PRKG1: variants seen among roughly 807,000 people sequenced by gnomAD.
PRKG1 encodes the protein cGMP-dependent protein kinase 1.
PRKG1 carries 35 observed loss-of-function variants against 88.1 expected under a neutral mutation model. The ratio of observed to expected loss-of-function variants is 0.40; its 90% confidence interval spans 0.30 to 0.53. PRKG1 has a LOEUF of 0.53. Ranked by LOEUF, PRKG1 falls within the 20% of genes least tolerant of loss-of-function variation. The pLI is 0.59. For missense variants in PRKG1, 540 were observed against 839.8 expected, an observed-to-expected ratio of 0.64 and a Z score of 4.41; for synonymous variants, 303 against 292.5, an observed-to-expected ratio of 1.04 and a Z score of -0.37.
chr10:51,045,563 T>C (rs1843478962), intron 1 of PRKG1, among the ~76,000 whole-genome samples: 1 of 152,200 alleles, frequency 6.6e-6, no homozygotes, highest in South Asian at 2.1e-4. Context: ...TGACCTCTGG[T>C]GATCCGCCCA....
chr10:51,934,259 C>CA (rs886567979), intron 5 of PRKG1, among the ~76,000 whole-genome samples: 2 of 150,604 alleles, frequency 1.3e-5, no homozygotes, highest in Admixed American at 6.6e-5. Flanking sequence ...CACATACCCC[C>CA]CCCCCAACAC....
chr10:51,494,753 C>A (rs765986965), intron 3 of PRKG1, among the ~76,000 whole-genome samples: 40 of 152,262 alleles, frequency 2.6e-4, no homozygotes, highest in Non-Finnish European at 1.5e-4. Flanking sequence ...ACAATGTGTG[C>A]TCTCTGTATT....
At chr10:52,214,335 A>C (rs975541853) in intron 9 of PRKG1, among the ~76,000 whole-genome samples, 1 of 152,182 alleles carries the variant, frequency 6.6e-6, no homozygotes, top group African/African-American at 2.4e-5. Context: ...TTAGCCCAAA[A>C]TCCACAGCAG....
intron 5 of PRKG1, among the ~76,000 whole-genome samples, chr10:52,008,815 A>G (rs1844806250): frequency 6.6e-6 from 1 of 152,182 alleles, no homozygotes; most frequent in Non-Finnish European, 1.5e-5. Flanking sequence ...CTAGCAGCAC[A>G]TTAAAAAGCT....
chr10:51,907,465 T>C (rs752711561), intron 4 of PRKG1, 42 bp from the exon 5 acceptor site: 22 of 1,488,712 alleles, frequency 1.5e-5, no homozygotes, highest in Middle Eastern at 1.7e-4. Context: ...TGAAAGTAAG[T>C]TGTGGTTCAT....
intron 3 of PRKG1, chr10:51,698,367 G>A (rs1205072428): frequency 6.2e-7 from 1 of 1,614,078 alleles, no homozygotes; most frequent in East Asian, 2.2e-5. Flanking sequence ...GGGCCTCTGG[G>A]CTCTCCAATT....
intron 3 of PRKG1, among the ~76,000 whole-genome samples, chr10:51,628,337 A>AT (rs951444913): frequency 4.6e-5 from 7 of 150,926 alleles, no homozygotes; most frequent in African/African-American, 1.7e-4. Flanking sequence ...TAATTTTTGT[A>AT]TTTTTTGTAG....
At chr10:51,404,286 G>A (rs1445297434) in intron 2 of PRKG1, among the ~76,000 whole-genome samples, 1 of 152,194 alleles carries the variant, frequency 6.6e-6, no homozygotes, top group Non-Finnish European at 1.5e-5. Context: ...CAACAAATGC[G>A]AATACTTTGT....
intron 2 of PRKG1, among the ~76,000 whole-genome samples, chr10:51,237,577 G>A (rs60496601): frequency 0.023 from 3,516 of 152,158 alleles, 130 homozygotes; most frequent in African/African-American, 0.077. Context: ...GCATTGACTG[G>A]CACCCACGCT....
chr10:52,015,769 C>T (rs1406952507), intron 5 of PRKG1, among the ~76,000 whole-genome samples: 1 of 152,154 alleles, frequency 6.6e-6, no homozygotes, highest in African/African-American at 2.4e-5. Flanking sequence ...ATACTGAATG[C>T]TTTGCTGCTT....
intron 7 of PRKG1, among the ~76,000 whole-genome samples, chr10:52,127,471 A>C (rs1847956746): frequency 6.6e-6 from 1 of 152,170 alleles, no homozygotes; most frequent in Non-Finnish European, 1.5e-5. Flanking sequence ...GGCTAGCAAA[A>C]AGAAAGCCCA....
intron 4 of PRKG1, among the ~76,000 whole-genome samples, chr10:51,833,605 G>A (rs1237756088): frequency 6.6e-6 from 1 of 152,090 alleles, no homozygotes; most frequent in Non-Finnish European, 1.5e-5. Flanking sequence ...GTGGCACAAT[G>A]TGATATTTTG....
In PRKG1 at chr10:51,930,600, C is replaced by T. The variant is rs189927415; in HGVS notation, c.762+23030C>T. Among the ~76,000 whole-genome samples, 40 of 145,208 alleles carry T rather than the reference C, an allele frequency of 2.8e-4. 1 individual carries two copies. The highest frequency in any genetic ancestry group is 1.9e-3 in the Admixed American group (26 of 13,994). On this transcript the variant is annotated intron_variant, in intron 5 of 17. Transcript: ENST00000373980. ...CTGCCTCCTGAGTTCAAGTGATTCT[C>T]GTGCCTCAGCCTCCCAAGCAGCTGG... is the stretch of plus-strand genomic sequence containing the variant.
At chr10:51,104,742 A>ATTTATTTT (rs1844785377) in intron 1 of PRKG1, among the ~76,000 whole-genome samples, 2 of 141,690 alleles carry the variant, frequency 1.4e-5, no homozygotes, top group African/African-American at 5.3e-5. Context: ...TTATTTATTT[A>ATTTATTTT]TTTTGTGATG....
chr10:51,652,749 T>C (rs1042157984), intron 3 of PRKG1, among the ~76,000 whole-genome samples: 5 of 152,230 alleles, frequency 3.3e-5, no homozygotes, highest in Non-Finnish European at 5.9e-5. Context: ...ATTTAAAATC[T>C]ATTACTTTAG....
intron 2 of PRKG1, among the ~76,000 whole-genome samples, chr10:51,334,001 C>A (rs1473083246): frequency 1.3e-5 from 2 of 152,166 alleles, no homozygotes; most frequent in Non-Finnish European, 2.9e-5. Flanking sequence ...TGTCGCTGTT[C>A]TTTTAATTGA....
At chr10:52,097,678 T>C (rs1847203319) in intron 7 of PRKG1, among the ~76,000 whole-genome samples, 1 of 152,024 alleles carries the variant, frequency 6.6e-6, no homozygotes, top group African/African-American at 2.4e-5. Flanking sequence ...TTCTTGTCAA[T>C]TATTTGATGT....
chr10:52,030,951 C>A (rs919897641), intron 5 of PRKG1, among the ~76,000 whole-genome samples: 1 of 151,986 alleles, frequency 6.6e-6, no homozygotes. Flanking sequence ...CATTATAATA[C>A]AACAGCATCA....
At chr10:51,681,834 T>A (rs992008350) in intron 3 of PRKG1, among the ~76,000 whole-genome samples, 4 of 152,320 alleles carry the variant, frequency 2.6e-5, no homozygotes, top group South Asian at 2.1e-4. Context: ...TAATTGATAT[T>A]ATAACATGTT....
Sources: allele counts gnomAD v4.1 joint callset (sites outside exome capture counted in the v4.1 genomes callset), GRCh38; gene constraint gnomAD v4.1.1; transcripts MANE v1.5; gene names NCBI Gene and HGNC (gene_info 2026-07-23, HGNC 2026-07-21).